Variants in RAB6A observed in about 807,000 individuals in gnomAD.
RAB6A encodes ras-related protein Rab-6A.
A neutral mutation model predicts 32.3 loss-of-function variants in RAB6A; 8 were observed. The observed-to-expected ratio is 0.25, with a 90% CI of 0.15 to 0.45. The LOEUF is 0.45. Among genes scored for constraint, RAB6A ranks in the 20% least tolerant of loss-of-function variants. RAB6A has a pLI of 1.00. For synonymous variants in RAB6A, 73 were observed against 82.1 expected, an observed-to-expected ratio of 0.89 and a Z score of 0.60; for missense variants, 104 against 249.4, an observed-to-expected ratio of 0.42 and a Z score of 3.93.
intron 6 of RAB6A, among the ~76,000 whole-genome samples, chr11:73,699,083 C>A (rs989322949): frequency 6.6e-6 from 1 of 152,044 alleles, no homozygotes; most frequent in Non-Finnish European, 1.5e-5. Flanking sequence ...GAACTCCTGA[C>A]CTCCGGTGAT....
chr11:73,720,447 G>A (rs189444753), intron 3 of RAB6A, among the ~76,000 whole-genome samples: 1 of 152,078 alleles, frequency 6.6e-6, no homozygotes, highest in African/African-American at 2.4e-5. Flanking sequence ...CTCCCAAAGT[G>A]CTGGGATTAC....
At chr11:73,703,955 G>A (rs1014881477) in intron 6 of RAB6A, among the ~76,000 whole-genome samples, 8 of 151,340 alleles carry the variant, frequency 5.3e-5, no homozygotes, top group African/African-American at 1.5e-4. Context: ...GCTTGAACCC[G>A]GGAGGCAAGG....
At chr11:73,711,728 T>C (rs1437825939) in intron 5 of RAB6A, among the ~76,000 whole-genome samples, 1 of 152,218 alleles carries the variant, frequency 6.6e-6, no homozygotes, top group African/African-American at 2.4e-5. Flanking sequence ...GTATTACCAT[T>C]CTGCATTGCC....
At chr11:73,760,171 C>T (rs930370270) in intron 1 of RAB6A, 5 of 1,192,558 alleles carry the variant, frequency 4.2e-6, no homozygotes, top group Non-Finnish European at 5.6e-6. Context: ...GAGTGGGCCT[C>T]ACAGAGCTGA....
chr11:73,752,282 C>A (rs1476901905), intron 1 of RAB6A, among the ~76,000 whole-genome samples: 1 of 152,112 alleles, frequency 6.6e-6, no homozygotes, highest in African/African-American at 2.4e-5. Flanking sequence ...ACAGTGAAAT[C>A]ACGTCTCTAC....
At chr11:73,714,127 G>A (rs1946010328) in intron 5 of RAB6A, among the ~76,000 whole-genome samples, 1 of 147,316 alleles carries the variant, frequency 6.8e-6, no homozygotes, top group Non-Finnish European at 1.5e-5. Context: ...GGGAGACTGA[G>A]GTTGCAGTTA....
chr11:73,759,950 TC>T, intron 1 of RAB6A: 1 of 913,288 alleles, frequency 1.1e-6, no homozygotes, highest in Admixed American at 2.6e-5. Flanking sequence ...CACCCCATGC[TC>T]AAGTCGTCTC....
intron 5 of RAB6A, 84 bp downstream of exon 5, chr11:73,716,167 T>C: frequency 9.1e-7 from 1 of 1,093,866 alleles, no homozygotes; most frequent in Non-Finnish European, 1.3e-6. Context: ...GCATGTCTCC[T>C]TTCAAAACAA....
chr11:73,758,215 C>T (rs1946790765), intron 1 of RAB6A, among the ~76,000 whole-genome samples: 1 of 152,164 alleles, frequency 6.6e-6, no homozygotes, highest in African/African-American at 2.4e-5. Context: ...TAATGAATGG[C>T]ATTACTTGAC....
chr11:73,749,554 C>T (rs1222996509), intron 1 of RAB6A, among the ~76,000 whole-genome samples: 1 of 152,056 alleles, frequency 6.6e-6, no homozygotes, highest in Non-Finnish European at 1.5e-5. Flanking sequence ...ATTTAAGAAA[C>T]CAAAATAGGC....
At position 73,675,952 on chromosome 11, in the gene RAB6A, A is replaced by G. The variant is rs1945264429; in HGVS notation, c.*1946T>C. 1 of 167,154 alleles carries G rather than the reference A, an allele frequency of 6.0e-6. No homozygotes were observed. Among genetic ancestry groups the G allele is most frequent in the African/African-American group, 2.4e-5 (1 of 41,466 alleles). 10.4% of individuals were successfully genotyped at this position (167,154 alleles called of 1,614,324 possible). A position where few individuals can be genotyped will look rare whatever the true frequency, so the allele number is the denominator to read the frequency against. On this transcript the variant is annotated 3_prime_UTR_variant, in exon 8 of 8. Coordinates refer to ENST00000336083, the MANE Select transcript of RAB6A (RefSeq NM_198896.2). ...CCATGTCAAAATAAAACAAAGAGTCAACCCTTGCCTTTAACAATTATATTG... is the reference window on the plus strand; with the variant it reads ...CCATGTCAAAATAAAACAAAGAGTCGACCCTTGCCTTTAACAATTATATTG...
intron 6 of RAB6A, among the ~76,000 whole-genome samples, chr11:73,695,822 T>G (rs1945646948): frequency 6.6e-6 from 1 of 152,228 alleles, no homozygotes; most frequent in Non-Finnish European, 1.5e-5. Flanking sequence ...ATATTTAAGT[T>G]GCAGTGACAG....
chr11:73,701,236 G>A (rs1945740942), intron 6 of RAB6A, among the ~76,000 whole-genome samples: 1 of 151,996 alleles, frequency 6.6e-6, no homozygotes, highest in Non-Finnish European at 1.5e-5. Flanking sequence ...TGTATCTTCT[G>A]GTAAAAAGGC....
At chr11:73,716,222 C>T in intron 5 of RAB6A, 29 bp downstream of exon 5, 6 of 1,497,612 alleles carry the variant, frequency 4.0e-6, no homozygotes, top group Non-Finnish European at 4.6e-6. Context: ...AGAAATCAAA[C>T]ATTACACACA....
intron 1 of RAB6A, among the ~76,000 whole-genome samples, chr11:73,742,444 A>T (rs1349312464): frequency 6.6e-6 from 1 of 152,168 alleles, no homozygotes; most frequent in Non-Finnish European, 1.5e-5. Flanking sequence ...AGACAAAAAA[A>T]CTTGTTTAAC....
At chr11:73,742,735 G>A (rs764381853) in intron 1 of RAB6A, among the ~76,000 whole-genome samples, 21 of 152,080 alleles carry the variant, frequency 1.4e-4, no homozygotes, top group Non-Finnish European at 2.9e-4. Flanking sequence ...GCTTGAACTC[G>A]GGAGATGGAG....
intron 1 of RAB6A, among the ~76,000 whole-genome samples, chr11:73,732,895 G>C (rs925685606): frequency 1.1e-4 from 17 of 151,206 alleles, no homozygotes; most frequent in African/African-American, 3.9e-4. Flanking sequence ...TCACTGCAAC[G>C]TCCACCTCCT....
rs370554868 is a variant in RAB6A at position 73,732,536 on chromosome 11, A to G, written c.71-1713T>C. Among the ~76,000 whole-genome samples, 100 of 152,238 alleles carry G rather than the reference A, an allele frequency of 6.6e-4. 3 individuals are homozygous for G. In the South Asian group the frequency reaches 0.017, roughly 26 times the overall value. ...GGGAGGCAGAGCTTGCAGTGAGTCG[A>G]GACTGCGCCACCGCGCTCCAGACTG... On this transcript the variant is annotated intron_variant, in intron 1 of 7. Transcript: ENST00000336083.
At chr11:73,739,159 C>T (rs1157722521) in intron 1 of RAB6A, among the ~76,000 whole-genome samples, 2 of 144,062 alleles carry the variant, frequency 1.4e-5, no homozygotes, top group African/African-American at 5.1e-5. Flanking sequence ...GCACAAGAAT[C>T]GCTTGAACCT....
Sources: allele counts gnomAD v4.1 joint callset (sites outside exome capture counted in the v4.1 genomes callset), GRCh38; gene constraint gnomAD v4.1.1; transcripts MANE v1.5; gene names NCBI Gene and HGNC (gene_info 2026-07-23, HGNC 2026-07-21).